The following FRMD3 variants were observed in gnomAD, a reference collection of about 807,000 sequenced individuals.
The protein encoded by FRMD3 is FERM domain containing 3.
A neutral mutation model predicts 70.2 loss-of-function variants in FRMD3; 33 were observed. The observed-to-expected ratio is 0.47, with a 90% CI of 0.36 to 0.63. The LOEUF (loss-of-function observed/expected upper bound fraction) is 0.63. Among genes scored for constraint, FRMD3 ranks in the 20% least tolerant of loss-of-function variants. The probability of loss-of-function intolerance (pLI) is 0.00; values close to 1 mark genes in which losing one functional copy is unlikely to be tolerated. For missense variants in FRMD3, 632 were observed against 711.4 expected (o/e 0.89, Z 1.27); for synonymous variants, 279 against 255.9 (o/e 1.09, Z -0.86).
Position 83,538,334 on chromosome 9 carries a change from G to T in FRMD3, c.-103C>A. ...GCACTGTCCGGGACACCTGGGCGCGGCTCAGCCCCGGGACATCGGCAGCGT... is the reference window on the plus strand; with the variant it reads ...GCACTGTCCGGGACACCTGGGCGCGTCTCAGCCCCGGGACATCGGCAGCGT... On this transcript the variant is annotated 5_prime_UTR_variant, in exon 1 of 14. Transcript: ENST00000304195. This position sits in a 1 kb window ranked among gnomAD's most constrained non-coding sequence, Gnocchi z 4.7. 7.9e-6 allele frequency: 9 copies of T among 1,135,814 alleles called. No individual in the cohort carries two copies. Among genetic ancestry groups the T allele is most frequent in the Non-Finnish European group, 1.0e-5 (9 of 876,900 alleles). 70.4% of individuals were successfully genotyped at this position (1,135,814 alleles called of 1,614,324 possible).
At chr9:83,403,345 A>T (rs995442484) in intron 1 of FRMD3, among the ~76,000 whole-genome samples, 2 of 152,180 alleles carry the variant, frequency 1.3e-5, no homozygotes, top group Non-Finnish European at 2.9e-5. Context: ...GGGAGAGAGA[A>T]ACGGGAGGAA....
the FRMD3 span, among the ~76,000 whole-genome samples, chr9:83,583,422 T>C: frequency 8.5e-5 from 13 of 152,270 alleles, no homozygotes; most frequent in African/African-American, 2.9e-4. Flanking sequence ...GCCAGCCCCA[T>C]TTTCTCACAA....
intron 1 of FRMD3, among the ~76,000 whole-genome samples, chr9:83,525,226 T>C (rs761426384): frequency 7.2e-5 from 11 of 152,208 alleles, no homozygotes; most frequent in Non-Finnish European, 1.6e-4. Context: ...TTATAAGCCA[T>C]ACCCTGATCT....
At chr9:83,334,245 G>A (rs75600138) in intron 6 of FRMD3, among the ~76,000 whole-genome samples, 7 of 152,122 alleles carry the variant, frequency 4.6e-5, no homozygotes, top group African/African-American at 7.2e-5. Context: ...CTTCAACAAG[G>A]CTTTTCATTA....
At chr9:83,250,210 G>A (rs573819055) in intron 13 of FRMD3, among the ~76,000 whole-genome samples, 11 of 151,776 alleles carry the variant, frequency 7.2e-5, no homozygotes, top group South Asian at 4.2e-4. Context: ...ACCCCACCCC[G>A]ACCCCCAGCC....
chr9:83,570,890 G>A, the FRMD3 span, among the ~76,000 whole-genome samples: 3 of 152,258 alleles, frequency 2.0e-5, no homozygotes, highest in East Asian at 5.8e-4. Flanking sequence ...GAGTGACTGG[G>A]TTCGGAGTAT....
chr9:83,466,550 G>C (rs1391775195), intron 1 of FRMD3, among the ~76,000 whole-genome samples: 2 of 152,152 alleles, frequency 1.3e-5, no homozygotes, highest in Non-Finnish European at 2.9e-5. Context: ...CATGTGCTGA[G>C]CGTTTGCCTA....
chr9:83,304,173 A>G (rs1337848207), intron 10 of FRMD3, among the ~76,000 whole-genome samples: 1 of 152,122 alleles, frequency 6.6e-6, no homozygotes, highest in Non-Finnish European at 1.5e-5. Context: ...CTTTTTGGCT[A>G]TTACGACTAA....
intron 4 of FRMD3, 97 bp downstream of exon 4, chr9:83,349,582 G>C: frequency 2.7e-6 from 2 of 742,064 alleles, no homozygotes; most frequent in Non-Finnish European, 4.5e-6. Flanking sequence ...ACACTGAGAC[G>C]GTCAGCTCTA....
At chr9:83,290,785 A>C in intron 12 of FRMD3, 58 bp from the exon 13 acceptor site, 2 of 1,542,584 alleles carry the variant, frequency 1.3e-6, no homozygotes, top group Non-Finnish European at 1.7e-6. Context: ...TGGCCCCTCC[A>C]TCTCAGCGGG....
At chr9:83,287,365 G>C (rs1259314866) in intron 13 of FRMD3, among the ~76,000 whole-genome samples, 1 of 152,196 alleles carries the variant, frequency 6.6e-6, no homozygotes, top group African/African-American at 2.4e-5. Flanking sequence ...TCTAGCTCAA[G>C]AGGTCAGTGG....
chr9:83,491,532 A>G (rs778378764), intron 1 of FRMD3, among the ~76,000 whole-genome samples: 1 of 152,146 alleles, frequency 6.6e-6, no homozygotes, highest in Non-Finnish European at 1.5e-5. Flanking sequence ...GAGAGATGCC[A>G]CATGCCCAGG....
At chr9:83,301,550 T>G (rs1244400101) in intron 10 of FRMD3, among the ~76,000 whole-genome samples, 1 of 151,688 alleles carries the variant, frequency 6.6e-6, no homozygotes, top group Non-Finnish European at 1.5e-5. Flanking sequence ...ATTGAGTTTC[T>G]TAATTGGGTT....
rs1836010933 is a variant in FRMD3, at chr9:83,326,236, C to A, written c.596+9280G>T. Among the ~76,000 whole-genome samples the A allele has an allele frequency of 2.6e-5, 4 of 152,146 alleles. No homozygotes were observed. The South Asian group carries it at 8.3e-4, about 32-fold the overall frequency. ...GAATCTGTTACACTAGTGCTTAACA[C>A]ACAGTATGTTCTGTCCTTGCCCTCA... On this transcript the variant is annotated intron_variant, in intron 6 of 13. Coordinates refer to ENST00000304195, the MANE Select transcript of FRMD3 (RefSeq NM_174938.6).
chr9:83,422,680 A>G (rs1487444007), intron 1 of FRMD3, among the ~76,000 whole-genome samples: 1 of 152,200 alleles, frequency 6.6e-6, no homozygotes, highest in Non-Finnish European at 1.5e-5. Context: ...TGCTTGGTAA[A>G]ATATGAGAGT....
At chr9:83,376,178 T>TAA (rs11398336) in intron 2 of FRMD3, among the ~76,000 whole-genome samples, 22,823 of 143,578 alleles carry the variant, frequency 0.16, 1,936 homozygotes, top group Non-Finnish European at 0.19. Context: ...AAAAAAAAGT[T>TAA]AAAAAAAAAA....
At chr9:83,467,956 A>T (rs1192229246) in intron 1 of FRMD3, among the ~76,000 whole-genome samples, 1 of 152,140 alleles carries the variant, frequency 6.6e-6, no homozygotes, top group Non-Finnish European at 1.5e-5. Context: ...TCAGACAGGG[A>T]TGGATCATAC....
At chr9:83,378,555 T>C (rs1171584707) in intron 2 of FRMD3, among the ~76,000 whole-genome samples, 1 of 121,278 alleles carries the variant, frequency 8.2e-6, no homozygotes, top group East Asian at 2.1e-4. Flanking sequence ...ATATAAAATT[T>C]ATATATATAA....
the FRMD3 span, among the ~76,000 whole-genome samples, chr9:83,559,793 A>G: frequency 5.3e-5 from 8 of 152,354 alleles, no homozygotes; most frequent in East Asian, 1.9e-4. Context: ...TATATAAATT[A>G]TACCTCAATA....
Sources: gnomAD v4.1 joint callset for allele counts (sites outside exome capture counted in the v4.1 genomes callset) on GRCh38, gnomAD v4.1.1 for gene constraint, Gnocchi (gnomAD v3.1) non-coding constraint, MANE v1.5 for transcripts, NCBI Gene and HGNC (gene_info 2026-07-23, HGNC 2026-07-21) for gene names.